The following GUCY1A2 variants were observed in gnomAD, a reference collection of about 807,000 sequenced individuals.
GUCY1A2 encodes the protein guanylate cyclase soluble subunit alpha-2.
A neutral mutation model predicts 63.5 loss-of-function variants in GUCY1A2; 27 were observed. That is an observed-to-expected ratio of 0.43 (90% CI 0.31 to 0.59). The LOEUF (loss-of-function observed/expected upper bound fraction) is 0.59, where lower values mean the gene tolerates loss of function less well. GUCY1A2 is among the 20% of genes least tolerant of loss of function. GUCY1A2 has a pLI of 0.11. For missense variants in GUCY1A2, 768 were observed against 913.3 expected (o/e 0.84, Z 2.05); for synonymous variants, 364 against 343.5 (o/e 1.06, Z -0.66).
At chr11:107,002,353 A>AC (rs1861621729) in intron 1 of GUCY1A2, among the ~76,000 whole-genome samples, 1 of 151,932 alleles carries the variant, frequency 6.6e-6, no homozygotes, top group Non-Finnish European at 1.5e-5. Flanking sequence ...CTAACACTGA[A>AC]CAAAGTCATA....
At chr11:106,801,939 A>C (rs1266708413) in intron 5 of GUCY1A2, among the ~76,000 whole-genome samples, 1 of 152,198 alleles carries the variant, frequency 6.6e-6, no homozygotes, top group Non-Finnish European at 1.5e-5. Context: ...AAAATAAGTG[A>C]AATATCACAG....
intron 6 of GUCY1A2, among the ~76,000 whole-genome samples, chr11:106,709,675 T>C (rs566181530): frequency 8.7e-6 from 1 of 115,146 alleles, no homozygotes; most frequent in Non-Finnish European, 1.6e-5. Flanking sequence ...ATAGAATATA[T>C]AGTTATATAT....
chr11:106,762,884 C>T lies in GUCY1A2; in HGVS notation c.1836+13555G>A, dbSNP rs551030602. Among the ~76,000 whole-genome samples, 3 of 152,202 alleles carry T rather than the reference C, an allele frequency of 2.0e-5. No individual in the cohort carries two copies. The South Asian group carries it at 6.2e-4, about 32-fold the overall frequency. On this transcript the variant is annotated intron_variant, in intron 6 of 7. Coordinates refer to ENST00000526355, the MANE Select transcript of GUCY1A2 (RefSeq NM_000855.3). Reference sequence around the variant, plus strand: ...TTTCACAGTGTAATTTTGTCAAAGACATTTGATGCTCCCACTAATTTTTAG... The same window carrying T: ...TTTCACAGTGTAATTTTGTCAAAGATATTTGATGCTCCCACTAATTTTTAG...
chr11:107,012,985 A>C lies in GUCY1A2; in HGVS notation c.303+4768T>G, dbSNP rs1195782842. ...CATGTCAGAGAGCTCATTTTATTTA[A>C]TATCAACAGAAGCTAAAGTATTTTA... On this transcript the variant is annotated intron_variant, in intron 1 of 7. Coordinates refer to ENST00000526355, the MANE Select transcript of GUCY1A2 (RefSeq NM_000855.3). Among the ~76,000 whole-genome samples, 5 of 130,168 alleles carry C rather than the reference A, an allele frequency of 3.8e-5. No homozygotes were observed. In the Admixed American group the frequency reaches 4.2e-4, roughly 11 times the overall value. The allele number at this position is 130,168 out of a possible 152,430, so 85.4% of individuals were successfully genotyped here. A position where few individuals can be genotyped will look rare whatever the true frequency, so the allele number is the denominator to read the frequency against.
chr11:106,690,801 A>G (rs1288798774), intron 7 of GUCY1A2, among the ~76,000 whole-genome samples: 1 of 152,204 alleles, frequency 6.6e-6, no homozygotes, highest in East Asian at 1.9e-4. Flanking sequence ...GCAAGACAGT[A>G]GTGACAATGG....
chr11:106,850,433 A>G (rs1369189838), intron 4 of GUCY1A2, among the ~76,000 whole-genome samples: 2 of 151,794 alleles, frequency 1.3e-5, no homozygotes, highest in East Asian at 1.9e-4. Flanking sequence ...GTGCTGCAGA[A>G]CACCAGAACC....
At position 106,696,355 on chromosome 11, in the gene GUCY1A2, A is replaced by G. The variant is rs11211871; in HGVS notation, c.1992-8599T>C. Among the ~76,000 whole-genome samples, 42 of 152,334 alleles carry G rather than the reference A, an allele frequency of 2.8e-4. No individual in the cohort carries two copies. The East Asian group carries it at 7.7e-3, about 28-fold the overall frequency. ...GAGATTAGAAAAGATAACTGTAACC[A>G]GTTCTTGTAAGTTAAATAATTTCCT... On this transcript the variant is annotated intron_variant, in intron 7 of 7. Transcript: ENST00000526355.
chr11:106,840,561 T>C (rs1859182232), intron 4 of GUCY1A2, among the ~76,000 whole-genome samples: 1 of 151,932 alleles, frequency 6.6e-6, no homozygotes. Context: ...TGAAAGTAAG[T>C]GCTATTGCTG....
intron 6 of GUCY1A2, among the ~76,000 whole-genome samples, chr11:106,716,297 G>A (rs181370196): frequency 6.7e-4 from 102 of 152,206 alleles, no homozygotes; most frequent in Non-Finnish European, 4.6e-4. Flanking sequence ...ATGCCTTTTC[G>A]TGGGTGGCCT....
chr11:107,018,367 C>G lies in GUCY1A2; in HGVS notation c.-312G>C, dbSNP rs911425506. ...CTCAGCGCCCGCCTCGGCGCATCGC[C>G]GTGCGCCGCGCTCCCGCTCACGGGG... On this transcript the variant is annotated 5_prime_UTR_variant, in exon 1 of 8. Coordinates refer to ENST00000526355, the MANE Select transcript of GUCY1A2 (RefSeq NM_000855.3). The G allele has an allele frequency of 7.3e-5, 11 of 149,676 alleles. No homozygotes were observed. Among genetic ancestry groups the G allele is most frequent in the African/African-American group, 2.4e-4 (10 of 41,138 alleles). 9.3% of individuals were successfully genotyped at this position (149,676 alleles called of 1,614,324 possible).
intron 7 of GUCY1A2, among the ~76,000 whole-genome samples, chr11:106,688,186 C>T (rs944784899): frequency 2.6e-5 from 4 of 152,040 alleles, no homozygotes; most frequent in African/African-American, 7.2e-5. Flanking sequence ...TTTGGTAAAC[C>T]GTAAGCTTTA....
At chr11:107,004,038 G>T (rs1861641783) in intron 1 of GUCY1A2, among the ~76,000 whole-genome samples, 1 of 152,136 alleles carries the variant, frequency 6.6e-6, no homozygotes, top group Admixed American at 6.5e-5. Flanking sequence ...TCATGGGAAT[G>T]GGGCATGACT....
chr11:106,816,223 T>G (rs996041664), intron 4 of GUCY1A2, among the ~76,000 whole-genome samples: 2 of 93,896 alleles, frequency 2.1e-5, no homozygotes, highest in Admixed American at 9.9e-5. Context: ...ACCGACCAAA[T>G]CCTAGGCCAT....
intron 4 of GUCY1A2, among the ~76,000 whole-genome samples, chr11:106,877,575 C>T (rs1233974133): frequency 6.6e-6 from 1 of 151,974 alleles, no homozygotes; most frequent in East Asian, 1.9e-4. Flanking sequence ...GCTACCCATA[C>T]ACAGAAGACT....
At chr11:106,765,086 C>T (rs1864139787) in intron 6 of GUCY1A2, among the ~76,000 whole-genome samples, 1 of 151,736 alleles carries the variant, frequency 6.6e-6, no homozygotes, top group African/African-American at 2.4e-5. Context: ...ATTTTTAACC[C>T]CAATGTCTTT....
In GUCY1A2 at chr11:106,784,653, G is replaced by A. The variant is rs1328006527; in HGVS notation, c.1693-8071C>T. 3.9e-5 allele frequency among the ~76,000 whole-genome samples: 6 copies of A among 152,238 alleles called. No homozygotes were observed. The South Asian group carries it at 1.2e-3, about 32-fold the overall frequency. ...TAATTTTATCCTTCCCCATAAATGT[G>A]ATTACCAAAAAGGAAAGTTATTAAG... On this transcript the variant is annotated intron_variant, in intron 5 of 7. Coordinates refer to ENST00000526355, the MANE Select transcript of GUCY1A2 (RefSeq NM_000855.3).
intron 2 of GUCY1A2, among the ~76,000 whole-genome samples, chr11:106,979,683 T>C (rs1024122008): frequency 6.6e-6 from 1 of 152,128 alleles, no homozygotes; most frequent in South Asian, 2.1e-4. Flanking sequence ...CTGGGACTTT[T>C]TGAGTTGCCT....
intron 6 of GUCY1A2, among the ~76,000 whole-genome samples, chr11:106,727,904 A>G (rs1565270997): frequency 1.3e-5 from 2 of 152,084 alleles, no homozygotes; most frequent in Admixed American, 6.6e-5. Flanking sequence ...CAGCTACCAA[A>G]TGGTTCTTTC....
intron 6 of GUCY1A2, among the ~76,000 whole-genome samples, chr11:106,759,262 T>G (rs903156066): frequency 3.9e-5 from 6 of 152,146 alleles, no homozygotes; most frequent in African/African-American, 9.7e-5. Context: ...TCAAAACATA[T>G]GCATTCTTAA....
Sources: allele counts gnomAD v4.1 joint callset (sites outside exome capture counted in the v4.1 genomes callset), GRCh38; gene constraint gnomAD v4.1.1; transcripts MANE v1.5; gene names NCBI Gene and HGNC (gene_info 2026-07-23, HGNC 2026-07-21).